Variants in DUOX2 observed in about 807,000 individuals in gnomAD.
DUOX2 encodes dual oxidase 2.
In DUOX2, 185 loss-of-function variants were observed where a neutral mutation model predicts 183.3. The observed-to-expected ratio is 1.01, with a 90% CI of 0.90 to 1.14. DUOX2 has a LOEUF of 1.14. DUOX2 is among the 50% of genes most tolerant of loss of function. The pLI, the probability that DUOX2 is intolerant of heterozygous loss-of-function variation, is 0.00. For missense variants in DUOX2, 1,999 were observed against 2,022.9 expected (o/e 0.99, Z 0.23); for synonymous variants, 788 against 812.4 (o/e 0.97, Z 0.51).
At chr15:45,105,031 T>C (rs1373351968) in intron 18 of DUOX2, among the ~76,000 whole-genome samples, 2 of 152,068 alleles carry the variant, frequency 1.3e-5, no homozygotes, top group Non-Finnish European at 2.9e-5. Context: ...ATGTTGGCCA[T>C]GCTAGTCTCG....
intron 12 of DUOX2, 172 bp from the exon 13 acceptor site, chr15:45,108,394 T>C: frequency 1.3e-6 from 1 of 769,598 alleles, no homozygotes. Context: ...GAAGGATCAG[T>C]GTGTCCCTAC....
At position 45,106,652 on chromosome 15, in the gene DUOX2, T is replaced by A; in HGVS notation, c.1832-11A>T. On this transcript the variant is annotated splice_polypyrimidine_tract_variant and intron_variant, in intron 15 of 33. Coordinates refer to ENST00000389039, the MANE Select transcript of DUOX2 (RefSeq NM_001363711.2). ...AGAGAAGCAGACTCACTGAAGTGGATCAGAAGGAACAGTGAGGAGGGAGCC... is the reference window on the plus strand; with the variant it reads ...AGAGAAGCAGACTCACTGAAGTGGAACAGAAGGAACAGTGAGGAGGGAGCC... 6.2e-7 allele frequency: 1 copy of A among 1,613,954 alleles called. No homozygotes were observed. Among genetic ancestry groups the A allele is most frequent in the Non-Finnish European group, 8.5e-7 (1 of 1,179,870 alleles).
intron 4 of DUOX2, 56 bp from the exon 5 acceptor site, chr15:45,112,011 G>T: frequency 6.3e-7 from 1 of 1,587,024 alleles, no homozygotes; most frequent in Non-Finnish European, 8.6e-7. Flanking sequence ...CCCTCCCCAC[G>T]GCCAGGGCGG....
chr15:45,110,842 A>G (rs962903933), intron 7 of DUOX2, 132 bp from the exon 8 acceptor site: 22 of 1,393,608 alleles, frequency 1.6e-5, no homozygotes, highest in Non-Finnish European at 2.2e-5. Flanking sequence ...CAACTCAGAC[A>G]GGAGCAGTGT....
At position 45,092,764 on chromosome 15, in the gene DUOX2, C is replaced by G. The variant is rs922868076; in HGVS notation, c.*1386G>C. The G allele has an allele frequency of 9.9e-5, 15 of 152,210 alleles. No individual in the cohort carries two copies. The highest frequency in any genetic ancestry group is 3.4e-4 in the African/African-American group (14 of 41,448). The allele number at this position is 152,210 out of a possible 1,614,324, so 9.4% of individuals were successfully genotyped here. The stretch of plus-strand genomic sequence containing the variant: ...TGTGGTACATCTCTACAATAGAATA[C>G]TACTCAGCAATGAAAAGGAACAAAC... On this transcript the variant is annotated 3_prime_UTR_variant, in exon 34 of 34. Coordinates refer to ENST00000389039, the MANE Select transcript of DUOX2 (RefSeq NM_001363711.2).
intron 12 of DUOX2, 27 bp from the exon 13 acceptor site, chr15:45,108,249 G>A (rs1894280177): frequency 4.3e-6 from 7 of 1,613,456 alleles, no homozygotes; most frequent in Admixed American, 1.7e-5. Context: ...GATAAGGGGT[G>A]AGCGTATGTT....
chr15:45,108,318 C>A, intron 12 of DUOX2, 96 bp from the exon 13 acceptor site: 1 of 1,426,442 alleles, frequency 7.0e-7, no homozygotes, highest in Non-Finnish European at 9.7e-7. Context: ...CAGCCGCTGC[C>A]TGGCTGCTGC....
intron 12 of DUOX2, 198 bp downstream of exon 12, chr15:45,108,591 T>C (rs1386720367): frequency 2.9e-5 from 20 of 691,962 alleles, no homozygotes; most frequent in Non-Finnish European, 4.2e-5. Flanking sequence ...GTTAGGAATA[T>C]ATTCTGGAAT....
chr15:45,106,540 C>T lies in DUOX2; in HGVS notation c.1933G>A (p.Asp645Asn). Residue 645 changes from aspartate (D) to asparagine (N), a missense_variant, in exon 16 of 34, where the codon GAT becomes AAT. Physicochemically the swap from Asp to Asn is conservative, Grantham distance 23. Coordinates refer to ENST00000389039, the MANE Select transcript of DUOX2 (RefSeq NM_001363711.2). The stretch of plus-strand genomic sequence containing the variant: ...AGCCCCTGCTCACCTGGCACTCCAT[C>T]TTTGGCTGCTTCCTTCTTCACGCTC... ...KESVKKEAAK[D>N]GVPAMEWPGP... 1 of 1,614,224 alleles carries T rather than the reference C, an allele frequency of 6.2e-7. No homozygotes were observed.
chr15:45,095,766 G>A, intron 30 of DUOX2, 62 bp downstream of exon 30: 1 of 1,559,524 alleles, frequency 6.4e-7, no homozygotes, highest in South Asian at 1.1e-5. Context: ...TCAGGATAGG[G>A]AAGGGCAGAG....
intron 23 of DUOX2, 142 bp from the exon 24 acceptor site, chr15:45,100,370 C>A (rs867785779): frequency 1.4e-6 from 1 of 726,562 alleles, no homozygotes; most frequent in Non-Finnish European, 2.2e-6. Flanking sequence ...AATCTGGGGG[C>A]TTCTTCCTCC....
Position 45,106,158 on chromosome 15 carries a change from G to C in DUOX2, c.2115C>G (p.Thr705=). The change falls in exon 17 of 34, where the codon ACC becomes ACG. Residue 705 remains threonine, a synonymous_variant. Coordinates refer to ENST00000389039, the MANE Select transcript of DUOX2 (RefSeq NM_001363711.2). ...ACTCCTTAGGGATCTTGAGCAGCAG[G>C]GTGCGGCATCCTCGGTTGTTGGACA... ...LILSNNRGCR[T]LLLKIPKEYD... The C allele has an allele frequency of 6.2e-7, 1 of 1,614,214 alleles. No individual in the cohort carries two copies. The highest frequency in any genetic ancestry group is 1.6e-4 in the Middle Eastern group (1 of 6,062).
rs779486571 is a variant in DUOX2, at chr15:45,104,292, G to A, written c.2408C>T (p.Thr803Ile). The A allele has an allele frequency of 6.2e-6, 10 of 1,614,010 alleles. No individual in the cohort carries two copies. In the South Asian group the frequency reaches 8.8e-5, roughly 14 times the overall value. ...AAACTCGGCCCTGCTCAGCTCGCAG[G>A]TCAGGGCCTCCCGCACCTTCTGGGA... ...DSSQKVREALTCELSRAEFAE... is the reference protein window; with the variant it reads ...DSSQKVREALICELSRAEFAE... The change falls in exon 19 of 34, where the codon ACC becomes ATC. Residue 803 changes from threonine (T) to isoleucine (I), a missense_variant. Coordinates refer to ENST00000389039, the MANE Select transcript of DUOX2 (RefSeq NM_001363711.2).
Position 45,094,948 on chromosome 15 carries a change from C to T in DUOX2, c.4383G>A (p.Arg1461=), listed in dbSNP as rs886051190. 4 of 1,614,030 alleles carry T rather than the reference C, an allele frequency of 2.5e-6. No homozygotes were observed. Among genetic ancestry groups the T allele is most frequent in the Admixed American group, 1.7e-5 (1 of 60,006 alleles). Residue 1461 remains arginine, a synonymous_variant, in exon 32 of 34, where the codon AGG becomes AGA. Coordinates refer to ENST00000389039, the MANE Select transcript of DUOX2 (RefSeq NM_001363711.2). ...VTQLAEKFDL[R]TTMLYICERH... ...GGCCCTGACATACTAGCATGGTGGT[C>T]CTGAGGTCGAACTTCTCAGCCAGCT... is the stretch of plus-strand genomic sequence containing the variant.
rs1364917944 is a variant in DUOX2, at chr15:45,094,100, G to C, written c.*50C>G. 2 of 1,613,920 alleles carry C rather than the reference G, an allele frequency of 1.2e-6. No homozygotes were observed. Among genetic ancestry groups the C allele is most frequent in the South Asian group, 2.2e-5 (2 of 91,066 alleles). ...GCCAGCAGGGCTGGGCAACTTAGGT[G>C]CACAGAAGAGAAGGCAGGATACTGG... On this transcript the variant is annotated 3_prime_UTR_variant, in exon 34 of 34. Transcript: ENST00000389039.
rs374911163 is a variant in DUOX2, at chr15:45,112,698, C to T, written c.181G>A (p.Val61Ile). 2 of 1,612,198 alleles carry T rather than the reference C, an allele frequency of 1.2e-6. No individual in the cohort carries two copies. Among genetic ancestry groups the T allele is most frequent in the African/African-American group, 2.7e-5 (2 of 75,040 alleles). The change falls in exon 4 of 34, where the codon GTA (valine) becomes ATA (isoleucine). Residue 61 changes from valine to isoleucine, a missense_variant. By Grantham distance (29) the Val-to-Ile change is conservative (BLOSUM62 3). Around this residue, in one of 3 missense-constraint regions of DUOX2, gnomAD observed 356 missense variants for 356.4 expected, o/e 1.00. Transcript: ENST00000389039. ...GAVGCRLQRRVPANYADGVYQ... is the reference protein window; with the variant it reads ...GAVGCRLQRRIPANYADGVYQ... ...ACACCGTCGGCGTAATTGGCTGGTA[C>T]GCGGCGCTGCAACCGGCAGCCTGCG...
rs760456669 is a variant in DUOX2 at position 45,113,085 on chromosome 15, A to G, written c.71-9T>C. On this transcript the variant is annotated splice_polypyrimidine_tract_variant and intron_variant, in intron 2 of 33. Coordinates refer to ENST00000389039, the MANE Select transcript of DUOX2 (RefSeq NM_001363711.2). ...GAGTGCGTCCTGACTGCCTGTGGGCACAGAGAAGGGCCTCCTCAGCACTAC... is the reference window on the plus strand; with the variant it reads ...GAGTGCGTCCTGACTGCCTGTGGGCGCAGAGAAGGGCCTCCTCAGCACTAC... The G allele has an allele frequency of 6.2e-7, 1 of 1,613,106 alleles. No individual in the cohort carries two copies. Among genetic ancestry groups the G allele is most frequent in the Non-Finnish European group, 8.5e-7 (1 of 1,179,554 alleles).
At chr15:45,111,053 G>T in intron 7 of DUOX2, 58 bp downstream of exon 7, 1 of 669,576 alleles carries the variant, frequency 1.5e-6, no homozygotes, top group Non-Finnish European at 2.5e-6. Context: ...TGGGGCAGCG[G>T]AGTCTCCCGT....
Position 45,108,120 on chromosome 15 carries a change from TGAAC to T in DUOX2, c.1497_1500del (p.Phe500ValfsTer85), listed in dbSNP as rs1295720609. The T allele has an allele frequency of 1.2e-6, 2 of 1,614,018 alleles. No homozygotes were observed. Among genetic ancestry groups the T allele is most frequent in the African/African-American group, 2.7e-5 (2 of 74,916 alleles). ...ACAAACTGGTCGAGGACAATGGCACTGAACAGGGGTCCAGGGTCCCCATGGCTCT... is the reference window on the plus strand; with the variant it reads ...ACAAACTGGTCGAGGACAATGGCACTAGGGGTCCAGGGTCCCCATGGCTCT... On this transcript the variant is annotated frameshift_variant, in exon 13 of 34. Transcript: ENST00000389039. LOFTEE classifies it high-confidence loss of function.
Sources: gnomAD v4.1 joint callset for allele counts (sites outside exome capture counted in the v4.1 genomes callset) on GRCh38, gnomAD v4.1.1 for gene constraint, gnomAD v4.1.1 regional missense constraint, MANE v1.5 for transcripts, NCBI Gene and HGNC (gene_info 2026-07-23, HGNC 2026-07-21) for gene names.